Variants in LOC122539214 observed in about 807,000 individuals in gnomAD.
the LOC122539214 span, among the ~76,000 whole-genome samples, chr19:52,684,211 A>T: frequency 6.6e-6 from 1 of 151,992 alleles, no homozygotes; most frequent in East Asian, 1.9e-4. Flanking sequence ...TCTACTAAAA[A>T]CATAAAAAGT....
chr19:52,652,274 A>G, the LOC122539214 span: 1 of 238,402 alleles, frequency 4.2e-6, no homozygotes, highest in Non-Finnish European at 8.3e-6. Context: ...TGTCTCTACT[A>G]AAAACATAAA....
At chr19:52,670,311 A>T in the LOC122539214 span, among the ~76,000 whole-genome samples, 1 of 152,160 alleles carries the variant, frequency 6.6e-6, no homozygotes, top group Non-Finnish European at 1.5e-5. Flanking sequence ...TCTTTAAATT[A>T]GCCAATTGGA....
the LOC122539214 span, among the ~76,000 whole-genome samples, chr19:52,670,858 T>C: frequency 6.6e-6 from 1 of 152,210 alleles, no homozygotes; most frequent in East Asian, 1.9e-4. Flanking sequence ...TGGTTGAGTT[T>C]GTCTAAATAC....
the LOC122539214 span, among the ~76,000 whole-genome samples, chr19:52,685,559 AAGTC>A: frequency 6.6e-6 from 1 of 152,230 alleles, no homozygotes; most frequent in Admixed American, 6.5e-5. Flanking sequence ...CAGGGAAAGA[AAGTC>A]AGCTGTAGAA....
chr19:52,653,174 G>A, the LOC122539214 span: 50 of 1,493,876 alleles, frequency 3.3e-5, no homozygotes, highest in Admixed American at 3.6e-4. Context: ...TGAAGTCTAC[G>A]ATGGCCCACA....
the LOC122539214 span, among the ~76,000 whole-genome samples, chr19:52,657,011 G>A: frequency 6.6e-6 from 1 of 152,078 alleles, no homozygotes. Context: ...AGCTACTCAC[G>A]AGGCTGAGGT....
the LOC122539214 span, among the ~76,000 whole-genome samples, chr19:52,688,950 G>GAAAA: frequency 7.9e-6 from 1 of 126,802 alleles, no homozygotes; most frequent in East Asian, 2.3e-4. Context: ...AAGGTTGAAG[G>GAAAA]AAAAAAAAAA....
At chr19:52,680,471 T>A in the LOC122539214 span, among the ~76,000 whole-genome samples, 1 of 152,258 alleles carries the variant, frequency 6.6e-6, no homozygotes, top group East Asian at 1.9e-4. Context: ...GAGTCAGTTA[T>A]CACCTTCCCA....
chr19:52,675,201 C>T, the LOC122539214 span, among the ~76,000 whole-genome samples: 2 of 152,130 alleles, frequency 1.3e-5, no homozygotes, highest in African/African-American at 4.8e-5. Context: ...AACCTGGGGG[C>T]AAATTAACAT....
At chr19:52,651,430 A>G in the LOC122539214 span, 4 of 152,240 alleles carry the variant, frequency 2.6e-5, no homozygotes, top group African/African-American at 9.7e-5. Flanking sequence ...CCCAAAGTGT[A>G]TATCTATGCT....
At chr19:52,681,280 C>CAAAAAAAAAAAAAAAAAAAAA in the LOC122539214 span, among the ~76,000 whole-genome samples, 7 of 75,424 alleles carry the variant, frequency 9.3e-5, no homozygotes, top group African/African-American at 2.8e-4. Context: ...GAGACTTTCT[C>CAAAAAAAAAAAAAAAAAAAAA]AAAAAAAAAA....
chr19:52,669,215 A>C, the LOC122539214 span, among the ~76,000 whole-genome samples: 1 of 152,312 alleles, frequency 6.6e-6, no homozygotes, highest in East Asian at 1.9e-4. Context: ...AGAGAAAGGA[A>C]AAATAAGACA....
the LOC122539214 span, chr19:52,660,733 G>A: frequency 5.0e-6 from 1 of 199,670 alleles, no homozygotes; most frequent in Non-Finnish European, 1.1e-5. Context: ...AAAAGAGAGA[G>A]AAGAATCCAC....
the LOC122539214 span, among the ~76,000 whole-genome samples, chr19:52,661,491 T>C: frequency 8.5e-5 from 13 of 152,190 alleles, no homozygotes; most frequent in South Asian, 1.2e-3. Context: ...GGAAACTGCC[T>C]TGATGTTCAA....
the LOC122539214 span, chr19:52,652,898 G>C: frequency 2.7e-6 from 3 of 1,102,632 alleles, no homozygotes; most frequent in Non-Finnish European, 4.1e-6. Flanking sequence ...CACTTGTAAG[G>C]TTTCTCTCCA....
At chr19:52,689,925 C>T in the LOC122539214 span, among the ~76,000 whole-genome samples, 1 of 152,226 alleles carries the variant, frequency 6.6e-6, no homozygotes, top group Non-Finnish European at 1.5e-5. Context: ...GAAGCGGTGA[C>T]TGCGGAGGAG....
the LOC122539214 span, among the ~76,000 whole-genome samples, chr19:52,683,999 C>G: frequency 4.6e-5 from 7 of 152,084 alleles, no homozygotes; most frequent in Admixed American, 4.6e-4. Context: ...ACCGGGAGAC[C>G]AAGGCAGGTG....
At chr19:52,650,829 CT>C in the LOC122539214 span, 1 of 152,156 alleles carries the variant, frequency 6.6e-6, no homozygotes, top group South Asian at 2.1e-4. Context: ...CAGAAGGATT[CT>C]TCACTTCATT....
the LOC122539214 span, among the ~76,000 whole-genome samples, chr19:52,656,224 C>CTA: frequency 8.0e-5 from 10 of 124,538 alleles, no homozygotes; most frequent in South Asian, 2.5e-4. Flanking sequence ...CTCTCTCTCT[C>CTA]TCTATATATA....
Sources: gnomAD v4.1 joint callset for allele counts (sites outside exome capture counted in the v4.1 genomes callset) on GRCh38, gnomAD v4.1.1 for gene constraint, MANE v1.5 for transcripts.